The following TMC1 variants were observed in gnomAD, a reference collection of about 807,000 sequenced individuals.
TMC1 encodes transmembrane channel-like protein 1.
A neutral mutation model predicts 105.8 loss-of-function variants in TMC1; 84 were observed. That is an observed-to-expected ratio of 0.79 (90% CI 0.67 to 0.95). The LOEUF (loss-of-function observed/expected upper bound fraction) is 0.95. Among genes scored for constraint, TMC1 ranks in the 40% least tolerant of loss-of-function variants. The pLI, the probability that TMC1 is intolerant of heterozygous loss-of-function variation, is 0.00. For missense variants in TMC1, 817 were observed against 914.1 expected (o/e 0.89, Z 1.37); for synonymous variants, 315 against 311.5 (o/e 1.01, Z -0.12).
chr9:72,522,577 C>T (rs1329298253), intron 1 of TMC1, among the ~76,000 whole-genome samples: 21 of 152,224 alleles, frequency 1.4e-4, no homozygotes, highest in Non-Finnish European at 8.8e-5. Context: ...GGAAGAAATA[C>T]AGAGAACTAG....
At position 72,521,843 on chromosome 9, in the gene TMC1, C is replaced by A. The variant is rs1010835025; in HGVS notation, c.-498C>A. On this transcript the variant is annotated 5_prime_UTR_variant, in exon 1 of 24. It introduces an in-frame stop codon into an upstream open reading frame of the 5' UTR. Coordinates refer to ENST00000297784, the MANE Select transcript of TMC1 (RefSeq NM_138691.3). ...GAACCCAGCAATCTGTGCTTTCTTT[C>A]ACAAGCCCTCCAGGAGTTGCTGAAA... The A allele has an allele frequency of 6.6e-6, 1 of 152,150 alleles. No homozygotes were observed. Among genetic ancestry groups the A allele is most frequent in the Non-Finnish European group, 1.5e-5 (1 of 68,036 alleles). The allele number at this position is 152,150 out of a possible 1,614,324, so 9.4% of individuals were successfully genotyped here.
At position 72,742,422 on chromosome 9, in the gene TMC1, T is replaced by C. The variant is rs749566965; in HGVS notation, c.454-22T>C. On this transcript the variant is annotated intron_variant, in intron 9 of 23. Transcript: ENST00000297784. ...CAAATCAAGAGGTTGGACTTTACTTTTGTATTTGACTTTCTTTTCAGAAAT... is the reference window on the plus strand; with the variant it reads ...CAAATCAAGAGGTTGGACTTTACTTCTGTATTTGACTTTCTTTTCAGAAAT... 1.2e-5 allele frequency: 20 copies of C among 1,605,586 alleles called. No individual in the cohort carries two copies. In the South Asian group the frequency reaches 2.1e-4, roughly 17 times the overall value.
At chr9:72,620,696 C>T (rs1825233240) in intron 3 of TMC1, among the ~76,000 whole-genome samples, 1 of 152,108 alleles carries the variant, frequency 6.6e-6, no homozygotes, top group Non-Finnish European at 1.5e-5. Flanking sequence ...AAAGATTGAC[C>T]TTCAAGGATC....
intron 5 of TMC1, among the ~76,000 whole-genome samples, chr9:72,657,426 G>A (rs1213215696): frequency 6.6e-6 from 1 of 152,192 alleles, no homozygotes; most frequent in Non-Finnish European, 1.5e-5. Flanking sequence ...TTACTGCATT[G>A]TGGCTGGGAG....
intron 8 of TMC1, among the ~76,000 whole-genome samples, chr9:72,717,006 A>G (rs1037299602): frequency 6.6e-6 from 1 of 152,170 alleles, no homozygotes; most frequent in African/African-American, 2.4e-5. Context: ...TCCCTTGGCT[A>G]GGAGAGGGAG....
intron 17 of TMC1, among the ~76,000 whole-genome samples, chr9:72,796,490 C>T (rs1197653769): frequency 5.9e-5 from 9 of 152,112 alleles, no homozygotes; most frequent in Non-Finnish European, 1.0e-4. Flanking sequence ...ACTTGCAAAC[C>T]GAATTCAGCA....
chr9:72,721,899 T>A (rs762201545), intron 8 of TMC1, among the ~76,000 whole-genome samples: 11 of 152,190 alleles, frequency 7.2e-5, no homozygotes, highest in Non-Finnish European at 1.2e-4. Flanking sequence ...CATCCCCATG[T>A]TCAAACCCTT....
chr9:72,548,501 C>T (rs1156354325), intron 1 of TMC1, among the ~76,000 whole-genome samples: 1 of 151,442 alleles, frequency 6.6e-6, no homozygotes, highest in Non-Finnish European at 1.5e-5. Flanking sequence ...TTCAATGAAC[C>T]CGGGAGGTTC....
At chr9:72,833,664 T>C (rs1829076830) in intron 23 of TMC1, among the ~76,000 whole-genome samples, 2 of 152,086 alleles carry the variant, frequency 1.3e-5, no homozygotes, top group Non-Finnish European at 2.9e-5. Context: ...CTTCTCTTAC[T>C]CTCCCTTTTG....
At chr9:72,654,342 G>T (rs1351663793) in intron 5 of TMC1, among the ~76,000 whole-genome samples, 1 of 152,146 alleles carries the variant, frequency 6.6e-6, no homozygotes, top group East Asian at 1.9e-4. Context: ...TGTAGTTTTA[G>T]TTCGCACTTC....
At chr9:72,622,919 G>A (rs1176522413) in intron 3 of TMC1, among the ~76,000 whole-genome samples, 8 of 151,822 alleles carry the variant, frequency 5.3e-5, no homozygotes, top group Admixed American at 3.3e-4. Context: ...GGGTGTGGTG[G>A]CGGGTGCCTG....
chr9:72,665,617 C>G (rs746930187), intron 5 of TMC1, among the ~76,000 whole-genome samples: 5 of 152,178 alleles, frequency 3.3e-5, no homozygotes, highest in Admixed American at 6.5e-5. Flanking sequence ...AGGGCAAGCT[C>G]CTCTTTGGAA....
At chr9:72,543,257 C>T (rs1187403075) in intron 1 of TMC1, among the ~76,000 whole-genome samples, 1 of 152,122 alleles carries the variant, frequency 6.6e-6, no homozygotes, top group Non-Finnish European at 1.5e-5. Context: ...TTACTTCTTC[C>T]ATCTACCCCA....
chr9:72,529,450 T>C (rs901805315), intron 1 of TMC1, among the ~76,000 whole-genome samples: 2 of 152,108 alleles, frequency 1.3e-5, no homozygotes, highest in African/African-American at 4.8e-5. Context: ...ACCCTGTCTC[T>C]AAAAAAGAAA....
intron 8 of TMC1, among the ~76,000 whole-genome samples, chr9:72,720,881 A>G (rs1263122303): frequency 6.6e-6 from 1 of 152,172 alleles, no homozygotes; most frequent in Admixed American, 6.5e-5. Flanking sequence ...TTACTAATTT[A>G]CCTGCTATCT....
intron 13 of TMC1, among the ~76,000 whole-genome samples, chr9:72,777,019 A>G (rs1040084616): frequency 1.3e-5 from 2 of 152,194 alleles, no homozygotes; most frequent in African/African-American, 4.8e-5. Context: ...TAAAAAAAAA[A>G]TTAAACTTAT....
chr9:72,827,815 C>G (rs1564581567), intron 21 of TMC1, among the ~76,000 whole-genome samples: 1 of 152,142 alleles, frequency 6.6e-6, no homozygotes, highest in Non-Finnish European at 1.5e-5. Context: ...CCCAGGGACA[C>G]TTTAAGAACA....
At chr9:72,640,556 AACC>A (rs1193876165) in intron 4 of TMC1, among the ~76,000 whole-genome samples, 1 of 152,222 alleles carries the variant, frequency 6.6e-6, no homozygotes, top group African/African-American at 2.4e-5. Flanking sequence ...TAGGAAATGA[AACC>A]ACAAGTCTTT....
At chr9:72,716,756 T>C (rs1826927135) in intron 8 of TMC1, among the ~76,000 whole-genome samples, 1 of 152,098 alleles carries the variant, frequency 6.6e-6, no homozygotes, top group Non-Finnish European at 1.5e-5. Flanking sequence ...TCAGCCCCCT[T>C]TCCAGGGGCG....
Sources: gnomAD v4.1 joint callset for allele counts (sites outside exome capture counted in the v4.1 genomes callset) on GRCh38, gnomAD v4.1.1 for gene constraint, MANE v1.5 for transcripts, NCBI Gene and HGNC (gene_info 2026-07-23, HGNC 2026-07-21) for gene names.